TRDN: variants seen among roughly 807,000 people sequenced by gnomAD.
TRDN encodes triadin.
TRDN carries 161 observed loss-of-function variants against 149.7 expected under a neutral mutation model. The observed-to-expected ratio is 1.08, with a 90% CI of 0.95 to 1.23. TRDN has a LOEUF of 1.23. Among genes scored for constraint, TRDN ranks in the 50% most tolerant of loss-of-function variants. The pLI is 0.00. For synonymous variants in TRDN, 294 were observed against 250.5 expected (o/e 1.17, Z -1.64); for missense variants, 896 against 823.5 (o/e 1.09, Z -1.08).
intron 38 of TRDN, among the ~76,000 whole-genome samples, chr6:123,229,646 G>A (rs1775521958): frequency 6.6e-6 from 1 of 151,854 alleles, no homozygotes; most frequent in Non-Finnish European, 1.5e-5. Context: ...GTCAAGGGTG[G>A]ACTTGGTTCT....
intron 2 of TRDN, among the ~76,000 whole-genome samples, chr6:123,551,380 C>T (rs1351885567): frequency 2.0e-5 from 3 of 146,364 alleles, no homozygotes; most frequent in Non-Finnish European, 4.5e-5. Flanking sequence ...CACACACACA[C>T]TTAAATAAGA....
intron 10 of TRDN, among the ~76,000 whole-genome samples, chr6:123,444,476 T>C (rs1237830280): frequency 6.6e-6 from 1 of 150,532 alleles, no homozygotes; most frequent in East Asian, 1.9e-4. Context: ...AGAGGGACAA[T>C]TTGACTTCCT....
At chr6:123,371,624 A>G (rs1267423358) in intron 19 of TRDN, among the ~76,000 whole-genome samples, 2 of 152,124 alleles carry the variant, frequency 1.3e-5, no homozygotes, top group Non-Finnish European at 2.9e-5. Flanking sequence ...TCATGTCTTA[A>G]CTGAACCTAG....
chr6:123,424,213 C>A (rs879828851), intron 12 of TRDN, among the ~76,000 whole-genome samples: 5 of 152,128 alleles, frequency 3.3e-5, no homozygotes, highest in Admixed American at 3.3e-4. Context: ...GTTACCAAGG[C>A]ATCAAACTGA....
intron 1 of TRDN, among the ~76,000 whole-genome samples, chr6:123,591,400 C>T (rs190760036): frequency 6.6e-6 from 1 of 152,112 alleles, no homozygotes. Flanking sequence ...CATGCCCCAC[C>T]ACGCCCAGCT....
rs1777119447 is a variant in TRDN at position 123,269,166 on chromosome 6, TGGG to T, written c.1738+680_1738+682del. Among the ~76,000 whole-genome samples, 5 of 152,080 alleles carry T rather than the reference TGGG, an allele frequency of 3.3e-5. No individual in the cohort carries two copies. The South Asian group carries it at 1.0e-3, about 32-fold the overall frequency. The stretch of plus-strand genomic sequence containing the variant: ...ATATTGAATATATTTGCTACCACAG[TGGG>T]TAAATATTTATGCCTTCCTGAGTCC... On this transcript the variant is annotated intron_variant, in intron 31 of 40. Transcript: ENST00000334268.
rs1340724645 is a variant in TRDN, at chr6:123,503,585, T to C, written c.793+134A>G. The stretch of plus-strand genomic sequence containing the variant: ...CCAATTTACTGTATTTCTTTTCTGA[T>C]ATATTTACTTTAATGTCTTTTACCC... On this transcript the variant is annotated intron_variant, in intron 8 of 40. Transcript: ENST00000334268. 8 of 1,472,772 alleles carry C rather than the reference T, an allele frequency of 5.4e-6. No individual in the cohort carries two copies. In the African/African-American group the frequency reaches 1.0e-4, roughly 18 times the overall value. The allele number at this position is 1,472,772 out of a possible 1,614,324, so 91.2% of individuals were successfully genotyped here. A position where few individuals can be genotyped will look rare whatever the true frequency, so the allele number is the denominator to read the frequency against.
chr6:123,444,834 G>A (rs190364811), intron 10 of TRDN, among the ~76,000 whole-genome samples: 13 of 152,224 alleles, frequency 8.5e-5, no homozygotes, highest in Admixed American at 2.0e-4. Flanking sequence ...ATTGATTTGC[G>A]TATGTTGAAC....
chr6:123,248,514 G>A (rs147481747), intron 38 of TRDN, among the ~76,000 whole-genome samples: 197 of 152,080 alleles, frequency 1.3e-3, no homozygotes, highest in African/African-American at 4.5e-3. Context: ...CTGAGATCAC[G>A]CCACTGCACT....
intron 9 of TRDN, among the ~76,000 whole-genome samples, chr6:123,492,328 TA>T (rs1261798227): frequency 1.3e-5 from 2 of 152,006 alleles, no homozygotes; most frequent in African/African-American, 4.8e-5. Context: ...AGATGAAAGC[TA>T]AAAAAAATTA....
intron 20 of TRDN, among the ~76,000 whole-genome samples, chr6:123,355,867 T>A (rs1169511665): frequency 6.6e-6 from 1 of 151,774 alleles, no homozygotes; most frequent in Non-Finnish European, 1.5e-5. Flanking sequence ...TTCAAGATAT[T>A]TTATGGATTT....
At chr6:123,626,233 G>C (rs1475291607) in intron 1 of TRDN, among the ~76,000 whole-genome samples, 2 of 152,102 alleles carry the variant, frequency 1.3e-5, no homozygotes. Context: ...TGTAATCCCA[G>C]CACGTTGGGA....
chr6:123,254,840 G>A (rs2114575971), intron 37 of TRDN: 4 of 349,124 alleles, frequency 1.1e-5, no homozygotes, highest in South Asian at 9.6e-5. Context: ...TTCTTCTGAT[G>A]TGTAACAGAA....
intron 1 of TRDN, among the ~76,000 whole-genome samples, chr6:123,605,104 A>G (rs1784464956): frequency 6.6e-6 from 1 of 151,860 alleles, no homozygotes; most frequent in South Asian, 2.1e-4. Context: ...TAAGATTTTA[A>G]TTTGAGAGGT....
At chr6:123,411,484 A>G (rs1412061147) in intron 12 of TRDN, among the ~76,000 whole-genome samples, 1 of 152,160 alleles carries the variant, frequency 6.6e-6, no homozygotes, top group East Asian at 1.9e-4. Flanking sequence ...CTAGTTGGAA[A>G]GTTTGGAATT....
At chr6:123,456,712 AC>A (rs1249726357) in intron 10 of TRDN, 1 of 436,494 alleles carries the variant, frequency 2.3e-6, no homozygotes, top group Non-Finnish European at 4.6e-6. Context: ...GAAGCGATCC[AC>A]CCACCTTGGC....
chr6:123,592,838 T>A (rs1420662337), intron 1 of TRDN, among the ~76,000 whole-genome samples: 4 of 152,168 alleles, frequency 2.6e-5, no homozygotes, highest in Non-Finnish European at 4.4e-5. Flanking sequence ...CTGCAAGATA[T>A]CTGCCATTCA....
intron 24 of TRDN, among the ~76,000 whole-genome samples, chr6:123,292,828 G>A (rs193085341): frequency 6.6e-5 from 10 of 152,304 alleles, no homozygotes; most frequent in African/African-American, 2.4e-4. Flanking sequence ...ATCTCAGCCA[G>A]AAGTAGTAAC....
chr6:123,370,592 A>G (rs1461558273), intron 19 of TRDN, among the ~76,000 whole-genome samples: 1 of 152,132 alleles, frequency 6.6e-6, no homozygotes, highest in Non-Finnish European at 1.5e-5. Flanking sequence ...AATAATTTTC[A>G]TAGAAGTGAA....
Sources: allele counts gnomAD v4.1 joint callset (sites outside exome capture counted in the v4.1 genomes callset), GRCh38; gene constraint gnomAD v4.1.1; transcripts MANE v1.5; gene names NCBI Gene and HGNC (gene_info 2026-07-23, HGNC 2026-07-21).